EXT1: variants seen among roughly 807,000 people sequenced by gnomAD.
EXT1 encodes exostosin glycosyltransferase 1.
Under a neutral mutation model 82.5 loss-of-function variants are expected in EXT1, and 20 were observed. The observed-to-expected ratio is 0.24, with a 90% CI of 0.17 to 0.35. The LOEUF (loss-of-function observed/expected upper bound fraction) is 0.35, where lower values mean the gene tolerates loss of function less well. Ranked by LOEUF, EXT1 falls within the 10% of genes least tolerant of loss-of-function variation. EXT1 has a pLI of 1.00. For synonymous variants in EXT1, 348 were observed against 350.8 expected (o/e 0.99, Z 0.09); for missense variants, 757 against 936.5 (o/e 0.81, Z 2.50).
chr8:117,851,339 C>T (rs900616112), intron 1 of EXT1, among the ~76,000 whole-genome samples: 3 of 150,890 alleles, frequency 2.0e-5, no homozygotes, highest in African/African-American at 7.3e-5. Context: ...CCCATTCTCA[C>T]CCAAAATCTA....
intron 10 of EXT1, among the ~76,000 whole-genome samples, chr8:117,800,372 T>C (rs2129681737): frequency 6.6e-6 from 1 of 152,188 alleles, no homozygotes; most frequent in East Asian, 1.9e-4. Context: ...CTTCCTTCCT[T>C]CTACTATCTC....
chr8:117,917,992 C>A (rs983970027), intron 1 of EXT1, among the ~76,000 whole-genome samples: 2 of 152,150 alleles, frequency 1.3e-5, no homozygotes, highest in Non-Finnish European at 2.9e-5. Context: ...AGGATCCTGA[C>A]ATAATGAACA....
At chr8:117,972,668 G>T (rs979077497) in intron 1 of EXT1, among the ~76,000 whole-genome samples, 2 of 152,186 alleles carry the variant, frequency 1.3e-5, no homozygotes, top group African/African-American at 4.8e-5. Flanking sequence ...GGTAATTTAC[G>T]AAGGGAAAGG....
chr8:118,066,312 T>C (rs1816985264), intron 1 of EXT1, among the ~76,000 whole-genome samples: 1 of 151,748 alleles, frequency 6.6e-6, no homozygotes, highest in Non-Finnish European at 1.5e-5. Context: ...ATTTTCTTAA[T>C]AACATTTTCT....
chr8:117,915,761 C>A (rs1185811352), intron 1 of EXT1, among the ~76,000 whole-genome samples: 3 of 152,124 alleles, frequency 2.0e-5, no homozygotes, highest in Non-Finnish European at 2.9e-5. Context: ...GAGGCTGAGG[C>A]ACGAGACTCT....
At chr8:118,103,046 G>A (rs371679724) in intron 1 of EXT1, among the ~76,000 whole-genome samples, 3 of 152,160 alleles carry the variant, frequency 2.0e-5, no homozygotes, top group African/African-American at 7.2e-5. Flanking sequence ...CCAGCTACTC[G>A]GGAGGCTGAG....
intron 1 of EXT1, among the ~76,000 whole-genome samples, chr8:117,874,098 C>T (rs1377101752): frequency 1.3e-5 from 2 of 152,010 alleles, no homozygotes; most frequent in Admixed American, 1.3e-4. Flanking sequence ...GTATAATGAG[C>T]CAGTCTAGTT....
intron 1 of EXT1, among the ~76,000 whole-genome samples, chr8:118,041,661 A>AAG (rs1563637769): frequency 2.2e-4 from 24 of 111,274 alleles, no homozygotes; most frequent in African/African-American, 7.3e-4. Flanking sequence ...AGAAAGAGAG[A>AAG]GAAAGAAGGA....
chr8:118,072,305 G>A (rs1463290382), intron 1 of EXT1, among the ~76,000 whole-genome samples: 4 of 152,196 alleles, frequency 2.6e-5, no homozygotes, highest in African/African-American at 7.2e-5. Context: ...CATGCTTTAA[G>A]TACATATGGA....
At chr8:117,900,415 A>C (rs1245657597) in intron 1 of EXT1, among the ~76,000 whole-genome samples, 2 of 152,206 alleles carry the variant, frequency 1.3e-5, no homozygotes, top group African/African-American at 2.4e-5. Flanking sequence ...GCCAGAGAAC[A>C]CCTGGGCATG....
At chr8:117,800,022 G>A (rs1823141996) in intron 10 of EXT1, 125 bp from the exon 11 acceptor site, 1 of 959,608 alleles carries the variant, frequency 1.0e-6, no homozygotes, top group Non-Finnish European at 1.6e-6. Context: ...CGGCCACCAA[G>A]TCTCACCATC....
chr8:117,983,374 C>T (rs1815247137), intron 1 of EXT1, among the ~76,000 whole-genome samples: 1 of 152,074 alleles, frequency 6.6e-6, no homozygotes, highest in Non-Finnish European at 1.5e-5. Flanking sequence ...GTCCCACCTA[C>T]TCAAGAGGCT....
At chr8:117,982,107 C>A (rs575897943) in intron 1 of EXT1, among the ~76,000 whole-genome samples, 1 of 152,252 alleles carries the variant, frequency 6.6e-6, no homozygotes, top group South Asian at 2.1e-4. Context: ...TTCTGTAGGT[C>A]ACAAGTCTGG....
intron 1 of EXT1, among the ~76,000 whole-genome samples, chr8:117,989,346 C>T (rs978170061): frequency 2.0e-5 from 3 of 152,068 alleles, no homozygotes; most frequent in Non-Finnish European, 4.4e-5. Flanking sequence ...CTTGCTTCCA[C>T]TCCACTGCCC....
At chr8:117,811,775 C>T (rs1249836085) in intron 8 of EXT1, among the ~76,000 whole-genome samples, 1 of 152,146 alleles carries the variant, frequency 6.6e-6, no homozygotes, top group Non-Finnish European at 1.5e-5. Context: ...TGGACCACGC[C>T]TGGCTAATTT....
intron 1 of EXT1, among the ~76,000 whole-genome samples, chr8:118,003,739 T>C (rs568913878): frequency 1.6e-4 from 25 of 152,332 alleles, no homozygotes; most frequent in Admixed American, 1.0e-3. Flanking sequence ...ACATAAAACA[T>C]AGCAACCCAC....
intron 1 of EXT1, among the ~76,000 whole-genome samples, chr8:117,915,341 AT>A (rs1462102733): frequency 6.8e-6 from 1 of 146,150 alleles, no homozygotes; most frequent in Non-Finnish European, 1.5e-5. Context: ...TTTTTGCTTA[AT>A]AGATATAACC....
chr8:117,893,305 C>T (rs183498786), intron 1 of EXT1, among the ~76,000 whole-genome samples: 1 of 152,280 alleles, frequency 6.6e-6, no homozygotes, highest in East Asian at 1.9e-4. Context: ...AAAACATGAG[C>T]ATTTTCCAAT....
chr8:117,822,429 T>C, intron 5 of EXT1, 36 bp downstream of exon 5: 1 of 1,610,238 alleles, frequency 6.2e-7, no homozygotes. Flanking sequence ...ATCTTCAGGG[T>C]AAACAAGGGC....
Sources: gnomAD v4.1 joint callset for allele counts (sites outside exome capture counted in the v4.1 genomes callset) on GRCh38, gnomAD v4.1.1 for gene constraint, MANE v1.5 for transcripts, NCBI Gene and HGNC (gene_info 2026-07-23, HGNC 2026-07-21) for gene names.